PEAK3: variants seen among roughly 807,000 people sequenced by gnomAD.
PEAK3 encodes the protein protein PEAK3.
PEAK3 carries 15 observed loss-of-function variants against 13.3 expected under a neutral mutation model. That is an observed-to-expected ratio of 1.13 (90% CI 0.75 to 1.73). PEAK3 has a LOEUF of 1.73. Ranked by LOEUF, PEAK3 falls within the 40% of genes most tolerant of loss-of-function variation. The pLI is 0.00. For missense variants in PEAK3, 739 were observed against 690.2 expected (o/e 1.07, Z -0.79); for synonymous variants, 347 against 341.9 (o/e 1.01, Z -0.17).
rs909092483 is a variant in PEAK3 at position 2,281,021 on chromosome 19, C to T, written c.-4-86G>A. ...GGGAGGGGTCCGTGAGTGCTGGGGC[C>T]TGGGAGACCGTCGAGGCCTCCTGCT... is the stretch of plus-strand genomic sequence containing the variant. On this transcript the variant is annotated intron_variant, in intron 1 of 3. Transcript: ENST00000342063. 4 of 859,376 alleles carry T rather than the reference C, an allele frequency of 4.7e-6. No individual in the cohort carries two copies. In the Admixed American group the frequency reaches 1.2e-4, roughly 26 times the overall value. 53.2% of individuals were successfully genotyped at this position (859,376 alleles called of 1,614,324 possible).
Position 2,280,863 on chromosome 19 carries a change from CG to C in PEAK3, c.68del (p.Thr23SerfsTer42). ...GGAGCTGCTTACCAAGGTTGCTATA[CG>C]TGGGCTGAGTCGACCAGGTGGGGTT... is the stretch of plus-strand genomic sequence containing the variant. ...PDNPTWSTQP[T>X]YSNLGQIRAH... On this transcript the variant is annotated frameshift_variant, in exon 2 of 4. Coordinates refer to ENST00000342063, the MANE Select transcript of PEAK3 (RefSeq NM_198532.3). LOFTEE classifies it high-confidence loss of function. 1 of 1,607,298 alleles carries C rather than the reference CG, an allele frequency of 6.2e-7. No individual in the cohort carries two copies. Among genetic ancestry groups the C allele is most frequent in the Non-Finnish European group, 8.5e-7 (1 of 1,176,904 alleles).
chr19:2,276,216 C>A lies in PEAK3; in HGVS notation c.886G>T (p.Glu296Ter). ...LQLSAALKFL[E>*]AWGAALVELR... ...TCGACTAGGGCCGCGCCCCACGCCTCCAGGAACTTCAGGGCCGCGCTCAGC... is the reference window on the plus strand; with the variant it reads ...TCGACTAGGGCCGCGCCCCACGCCTACAGGAACTTCAGGGCCGCGCTCAGC... Residue 296 changes from glutamate to a stop codon, truncating the protein, a stop_gained, in exon 4 of 4, where the codon GAG becomes TAG. Coordinates refer to ENST00000342063, the MANE Select transcript of PEAK3 (RefSeq NM_198532.3). LOFTEE classifies it low-confidence loss of function (END_TRUNC). The A allele has an allele frequency of 1.3e-6, 2 of 1,573,414 alleles. No homozygotes were observed. The highest frequency in any genetic ancestry group is 1.7e-6 in the Non-Finnish European group (2 of 1,164,290).
chr19:2,276,528 GC>G (rs139594592), intron 3 of PEAK3, 39 bp from the exon 4 acceptor site: 52,931 of 1,443,734 alleles, frequency 0.037, 2,935 homozygotes, highest in African/African-American at 0.26. Flanking sequence ...GGATCACTGG[GC>G]CCCCCACAAG....
In PEAK3 at chr19:2,275,816, C is replaced by G. The variant is rs2025379645; in HGVS notation, c.1286G>C (p.Gly429Ala). The change falls in exon 4 of 4, where the codon GGG becomes GCG. Residue 429 changes from glycine to alanine, a missense_variant. By Grantham distance (60) the Gly-to-Ala change is moderately conservative. Transcript: ENST00000342063. The part of the protein sequence containing the change: ...ALGPWLRVRR[G>A]LLVLRLAERA... ...CTCTGCTAGGCGCAGGACCAGCAGCCCGCGGCGCACCCGCAGCCAGGGCCC... is the reference window on the plus strand; with the variant it reads ...CTCTGCTAGGCGCAGGACCAGCAGCGCGCGGCGCACCCGCAGCCAGGGCCC... 6.5e-7 allele frequency: 1 copy of G among 1,526,872 alleles called. No homozygotes were observed. Among genetic ancestry groups the G allele is most frequent in the African/African-American group, 1.4e-5 (1 of 70,570 alleles). 94.6% of individuals were successfully genotyped at this position (1,526,872 alleles called of 1,614,324 possible). A position where few individuals can be genotyped will look rare whatever the true frequency, so the allele number is the denominator to read the frequency against.
chr19:2,275,950 C>G lies in PEAK3; in HGVS notation c.1152G>C (p.Leu384Phe), dbSNP rs2025381593. ...CCCGCGTCCGGGACGCCGAGGGCCG[C>G]AAGCGGGTCAGCTGTGCTGCCAGGA... ...LELLAAQLTRLRPSASRTRGA... is the reference protein window; with the variant it reads ...LELLAAQLTRFRPSASRTRGA... The change falls in exon 4 of 4, where the codon TTG becomes TTC. Residue 384 changes from leucine to phenylalanine, a missense_variant. Physicochemically the swap from Leu to Phe is conservative, Grantham distance 22. Coordinates refer to ENST00000342063, the MANE Select transcript of PEAK3 (RefSeq NM_198532.3). 1 of 1,398,022 alleles carries G rather than the reference C, an allele frequency of 7.2e-7. No individual in the cohort carries two copies. Among genetic ancestry groups the G allele is most frequent in the Admixed American group, 3.6e-5 (1 of 28,148 alleles). The allele number at this position is 1,398,022 out of a possible 1,614,324, so 86.6% of individuals were successfully genotyped here. A position where few individuals can be genotyped will look rare whatever the true frequency, so the allele number is the denominator to read the frequency against.
chr19:2,279,631 G>C (rs1599159238), intron 2 of PEAK3, among the ~76,000 whole-genome samples: 1 of 151,414 alleles, frequency 6.6e-6, no homozygotes, highest in Non-Finnish European at 1.5e-5. Context: ...ACTCCAGCCT[G>C]GGCGGCAGAG....
At chr19:2,280,154 A>G (rs930851812) in intron 2 of PEAK3, among the ~76,000 whole-genome samples, 1 of 131,306 alleles carries the variant, frequency 7.6e-6, no homozygotes, top group Non-Finnish European at 1.5e-5. Flanking sequence ...CCTCTGCCTC[A>G]CAGGTTCAAG....
chr19:2,276,232 C>T lies in PEAK3; in HGVS notation c.870G>A (p.Ala290=), dbSNP rs1378244253. Residue 290 remains alanine, a synonymous_variant, in exon 4 of 4, where the codon GCG becomes GCA. Transcript: ENST00000342063. ...CCCACGCCTCCAGGAACTTCAGGGC[C>T]GCGCTCAGCTGCAGCAGCAGCAGGG... is the stretch of plus-strand genomic sequence containing the variant. ...AVALLLLQLS[A]ALKFLEAWGA... is the part of the protein sequence containing the mutation. 4 of 1,579,828 alleles carry T rather than the reference C, an allele frequency of 2.5e-6. No homozygotes were observed. The highest frequency in any genetic ancestry group is 2.3e-5 in the East Asian group (1 of 42,598).
intron 1 of PEAK3, 67 bp from the exon 2 acceptor site, chr19:2,281,002 G>C: frequency 3.8e-6 from 4 of 1,065,560 alleles, no homozygotes; most frequent in Non-Finnish European, 5.4e-6. Flanking sequence ...CATGGGGAGG[G>C]GTCCGTGAGT....
In PEAK3 at chr19:2,278,718, C is replaced by A; in HGVS notation, c.478G>T (p.Gly160Cys). 1 of 1,529,220 alleles carries A rather than the reference C, an allele frequency of 6.5e-7. No homozygotes were observed. Among genetic ancestry groups the A allele is most frequent in the Non-Finnish European group, 8.8e-7 (1 of 1,136,790 alleles). The allele number at this position is 1,529,220 out of a possible 1,614,324, so 94.7% of individuals were successfully genotyped here. ...YARLRARLMG[G>C]HPGPCHPGHS... is the part of the protein sequence containing the mutation. ...CCGGGGTGGCAGGGCCCGGGGTGGC[C>A]CCCCATGAGCCGGGCACGGAGCCGG... The change falls in exon 3 of 4, where the codon GGC becomes TGC. Residue 160 changes from glycine to cysteine, a missense_variant. Gly to Cys is a radical substitution (Grantham distance 159, BLOSUM62 -3). Transcript: ENST00000342063.
chr19:2,281,266 C>T (rs2025436573), intron 1 of PEAK3, among the ~76,000 whole-genome samples: 1 of 133,952 alleles, frequency 7.5e-6, no homozygotes, highest in Non-Finnish European at 1.6e-5. Context: ...GTTTGCTGCC[C>T]TCTCTGGGGC....
chr19:2,276,107 C>A lies in PEAK3; in HGVS notation c.995G>T (p.Gly332Val). The A allele has an allele frequency of 6.6e-7, 1 of 1,516,334 alleles. No individual in the cohort carries two copies. Among genetic ancestry groups the A allele is most frequent in the African/African-American group, 1.4e-5 (1 of 71,526 alleles). The allele number at this position is 1,516,334 out of a possible 1,614,324, so 93.9% of individuals were successfully genotyped here. The part of the protein sequence containing the change: ...GPPRLLLTDF[G>V]RVCLQPPGPP... Reference sequence around the variant, plus strand: ...TCCAGGGGGCTGCAGACAGACGCGGCCAAAGTCAGTGAGGAGCAGGCGTGG... The same window carrying A: ...TCCAGGGGGCTGCAGACAGACGCGGACAAAGTCAGTGAGGAGCAGGCGTGG... The change falls in exon 4 of 4, where the codon GGC becomes GTC. Residue 332 changes from glycine to valine, a missense_variant. Gly to Val is a moderately radical substitution (Grantham distance 109, BLOSUM62 -3). Transcript: ENST00000342063.
chr19:2,277,629 G>A (rs1748075269), intron 3 of PEAK3, among the ~76,000 whole-genome samples: 1 of 151,228 alleles, frequency 6.6e-6, no homozygotes, highest in South Asian at 2.1e-4. Context: ...CCCAATTTTC[G>A]AATCTCAGCT....
intron 1 of PEAK3, among the ~76,000 whole-genome samples, chr19:2,281,655 C>G (rs1034978155): frequency 6.8e-6 from 1 of 147,346 alleles, no homozygotes; most frequent in African/African-American, 2.5e-5. Flanking sequence ...TTCCTGCCCT[C>G]TCTGGGGCCC....
intron 3 of PEAK3, among the ~76,000 whole-genome samples, chr19:2,276,795 G>A (rs964392704): frequency 6.6e-6 from 1 of 152,112 alleles, no homozygotes; most frequent in Non-Finnish European, 1.5e-5. Context: ...CAGGGGGATC[G>A]CTGAGGTCAG....
intron 3 of PEAK3, 114 bp downstream of exon 3, chr19:2,278,466 ATTTC>A: frequency 1.7e-6 from 2 of 1,197,150 alleles, no homozygotes; most frequent in Non-Finnish European, 2.2e-6. Context: ...CGGCTCCAGT[ATTTC>A]TTTACAGCAG....
intron 3 of PEAK3, among the ~76,000 whole-genome samples, chr19:2,278,312 C>T (rs570465947): frequency 6.7e-6 from 1 of 149,260 alleles, no homozygotes. Context: ...TTACAGGCGC[C>T]CGCCACCACA....
Position 2,279,035 on chromosome 19 carries a change from G to A in PEAK3, c.161C>T (p.Pro54Leu), listed in dbSNP as rs1355957347. ...TPGSLSTNPE[P>L]LPPPLPKKIL... is the part of the protein sequence containing the mutation. ...CTTCTTGGGCAGGGGTGGGGGCAGG[G>A]GCTCTGGGTTGGTGGAGAGGGACCC... Residue 54 changes from proline (P) to leucine (L), a missense_variant, in exon 3 of 4, where the codon CCC becomes CTC. By Grantham distance (98) the Pro-to-Leu change is moderately conservative (BLOSUM62 -3). Transcript: ENST00000342063. 6.6e-7 allele frequency: 1 copy of A among 1,522,472 alleles called. No homozygotes were observed. Among genetic ancestry groups the A allele is most frequent in the Non-Finnish European group, 8.9e-7 (1 of 1,129,588 alleles). 94.3% of individuals were successfully genotyped at this position (1,522,472 alleles called of 1,614,324 possible).
At position 2,279,005 on chromosome 19, in the gene PEAK3, A is replaced by G; in HGVS notation, c.191T>C (p.Leu64Pro). Residue 64 changes from leucine to proline, a missense_variant, in exon 3 of 4, where the codon CTA (leucine) becomes CCA (proline). By Grantham distance (98) the Leu-to-Pro change is moderately conservative (BLOSUM62 -3). Coordinates refer to ENST00000342063, the MANE Select transcript of PEAK3 (RefSeq NM_198532.3). Reference sequence around the variant, plus strand: ...GGTGGGCAGTGACTGGGTCCGGGTTAGGATCTTCTTGGGCAGGGGTGGGGG... The same window carrying G: ...GGTGGGCAGTGACTGGGTCCGGGTTGGGATCTTCTTGGGCAGGGGTGGGGG... ...PLPPPLPKKI[L>P]TRTQSLPTRR... 2 of 1,505,920 alleles carry G rather than the reference A, an allele frequency of 1.3e-6. No homozygotes were observed. The highest frequency in any genetic ancestry group is 1.2e-5 in the South Asian group (1 of 84,800). 93.3% of individuals were successfully genotyped at this position (1,505,920 alleles called of 1,614,324 possible).
Sources: gnomAD v4.1 joint callset for allele counts (sites outside exome capture counted in the v4.1 genomes callset) on GRCh38, gnomAD v4.1.1 for gene constraint, MANE v1.5 for transcripts, NCBI Gene and HGNC (gene_info 2026-07-23, HGNC 2026-07-21) for gene names.